Variants in ANKRD30B observed in about 807,000 individuals in gnomAD.
The protein encoded by ANKRD30B is ankyrin repeat domain-containing protein 30B.
ANKRD30B carries 144 observed loss-of-function variants against 202.2 expected under a neutral mutation model. The ratio of observed to expected loss-of-function variants is 0.71; its 90% CI spans 0.62 to 0.82. The LOEUF (loss-of-function observed/expected upper bound fraction) is 0.82, where lower values mean the gene tolerates loss of function less well. ANKRD30B is among the 40% of genes least tolerant of loss of function. ANKRD30B has a pLI of 0.00. For synonymous variants in ANKRD30B, 508 were observed against 561.3 expected (o/e 0.91, Z 1.34); for missense variants, 1,487 against 1,669.1 (o/e 0.89, Z 1.90).
chr18:14,930,278 C>A, the ANKRD30B span, among the ~76,000 whole-genome samples: 2 of 151,964 alleles, frequency 1.3e-5, no homozygotes, highest in East Asian at 1.9e-4. Context: ...GTCAGTGAGG[C>A]CTTCCTTGAG....
At chr18:14,930,227 G>A in the ANKRD30B span, among the ~76,000 whole-genome samples, 1 of 152,108 alleles carries the variant, frequency 6.6e-6, no homozygotes, top group Non-Finnish European at 1.5e-5. Flanking sequence ...GTCCCTGAGA[G>A]GCTGGGCCGA....
At chr18:14,808,127 A>T (rs1969638370) in intron 24 of ANKRD30B, among the ~76,000 whole-genome samples, 1 of 150,752 alleles carries the variant, frequency 6.6e-6, no homozygotes, top group South Asian at 2.1e-4. Flanking sequence ...TATTGACATA[A>T]GAGATTCTGA....
chr18:14,809,625 G>T (rs1362727819), intron 26 of ANKRD30B, among the ~76,000 whole-genome samples: 1 of 150,790 alleles, frequency 6.6e-6, no homozygotes, highest in Non-Finnish European at 1.5e-5. Context: ...TAGGAATCTT[G>T]GTGATGCAAA....
At chr18:14,776,624 T>TAGAA (rs1480977431) in intron 9 of ANKRD30B, among the ~76,000 whole-genome samples, 2 of 152,232 alleles carry the variant, frequency 1.3e-5, no homozygotes, top group African/African-American at 4.8e-5. Context: ...CTCATTTTTC[T>TAGAA]AAGGTGAAGA....
At chr18:14,878,215 C>T in the ANKRD30B span, among the ~76,000 whole-genome samples, 5 of 152,090 alleles carry the variant, frequency 3.3e-5, no homozygotes, top group Non-Finnish European at 7.4e-5. Context: ...CTTTGTGGAA[C>T]CGAGCAGATA....
rs1467029801 is a variant in ANKRD30B, at chr18:14,831,475, A to T, written c.2847+20A>T. On this transcript the variant is annotated intron_variant, in intron 34 of 43. Transcript: ENST00000690538. The stretch of plus-strand genomic sequence containing the variant: ...ACCAAGGTAAAATAGTCTCTTGTTA[A>T]ATTGATTTTCTCAGTTGGAATCTAA... The T allele has an allele frequency of 7.2e-7, 1 of 1,386,676 alleles. No homozygotes were observed. The highest frequency in any genetic ancestry group is 2.5e-5 in the East Asian group (1 of 39,812). 85.9% of individuals were successfully genotyped at this position (1,386,676 alleles called of 1,614,324 possible). A position where few individuals can be genotyped will look rare whatever the true frequency, so the allele number is the denominator to read the frequency against.
At chr18:14,866,992 G>A in the ANKRD30B span, among the ~76,000 whole-genome samples, 1 of 150,622 alleles carries the variant, frequency 6.6e-6, no homozygotes, top group Non-Finnish European at 1.5e-5. Context: ...GGTGCTTTAG[G>A]GGAGCTGTCA....
chr18:14,751,015 A>G (rs1415609847), intron 1 of ANKRD30B, among the ~76,000 whole-genome samples: 1 of 151,976 alleles, frequency 6.6e-6, no homozygotes, highest in African/African-American at 2.4e-5. Flanking sequence ...AGCAATATGT[A>G]TTTTGCACAG....
intron 30 of ANKRD30B, among the ~76,000 whole-genome samples, chr18:14,820,663 A>G (rs1970368430): frequency 6.6e-6 from 1 of 152,144 alleles, no homozygotes; most frequent in South Asian, 2.1e-4. Flanking sequence ...GCTGGATTAC[A>G]TTTATTGATT....
chr18:14,772,337 G>A (rs1170131485), intron 9 of ANKRD30B, 109 bp downstream of exon 9: 1 of 645,474 alleles, frequency 1.5e-6, no homozygotes, highest in Non-Finnish European at 2.3e-6. Context: ...ATATAAAGTT[G>A]GTCAGATAAA....
chr18:14,842,112 A>T (rs1462335847), intron 37 of ANKRD30B, among the ~76,000 whole-genome samples: 2 of 152,116 alleles, frequency 1.3e-5, no homozygotes, highest in East Asian at 3.8e-4. Flanking sequence ...TTTAAAATAA[A>T]TATTGTCTGA....
At chr18:14,921,928 C>A in the ANKRD30B span, among the ~76,000 whole-genome samples, 1 of 152,224 alleles carries the variant, frequency 6.6e-6, no homozygotes, top group East Asian at 1.9e-4. Flanking sequence ...ATGGTCCTCC[C>A]TGCCAGACAC....
At chr18:14,855,594 C>T (rs1289685981), downstream of ANKRD30B, among the ~76,000 whole-genome samples, 15 of 146,586 alleles carry the variant, frequency 1.0e-4, no homozygotes, top group South Asian at 8.8e-4. Context: ...CCAGATGGGG[C>T]GGCTGGGAAG....
chr18:14,838,329 A>G (rs1161448748), intron 36 of ANKRD30B, among the ~76,000 whole-genome samples: 1 of 152,220 alleles, frequency 6.6e-6, no homozygotes, highest in African/African-American at 2.4e-5. Context: ...TTTAAACTGT[A>G]GTCTTAGTCT....
rs1407105972 is a variant in ANKRD30B, at chr18:14,752,591, A to T, written c.247A>T (p.Asn83Tyr). 2 of 1,612,568 alleles carry T rather than the reference A, an allele frequency of 1.2e-6. No homozygotes were observed. Among genetic ancestry groups the T allele is most frequent in the Admixed American group, 1.7e-5 (1 of 59,796 alleles). ...KRTALHWACV[N>Y]GHAEVVTFLV... ...GACTGCTCTACACTGGGCCTGTGTCAATGGCCATGCAGAAGTAGTAACATT... is the reference window on the plus strand; with the variant it reads ...GACTGCTCTACACTGGGCCTGTGTCTATGGCCATGCAGAAGTAGTAACATT... Residue 83 changes from asparagine (N) to tyrosine (Y), a missense_variant, in exon 2 of 44, where the codon AAT becomes TAT. Around this residue, in one of 6 missense-constraint regions of ANKRD30B, gnomAD observed 889 missense variants for 841.4 expected, o/e 1.06. Coordinates refer to ENST00000690538, the MANE Select transcript of ANKRD30B (RefSeq NM_001367607.2).
downstream of ANKRD30B, among the ~76,000 whole-genome samples, chr18:14,859,170 A>G (rs1972143874): frequency 8.7e-6 from 1 of 115,104 alleles, no homozygotes; most frequent in Non-Finnish European, 1.8e-5. Context: ...CACCTCCCAG[A>G]TGGGGCGGGC....
intron 30 of ANKRD30B, among the ~76,000 whole-genome samples, chr18:14,817,805 T>C (rs548100600): frequency 1.3e-5 from 2 of 152,222 alleles, no homozygotes; most frequent in East Asian, 1.9e-4. Context: ...GAATCGAGAA[T>C]GACCTTCTCA....
chr18:14,852,031 A>G lies in ANKRD30B; in HGVS notation c.4087A>G (p.Lys1363Glu). 1.2e-6 allele frequency: 2 copies of G among 1,605,260 alleles called. No homozygotes were observed. The highest frequency in any genetic ancestry group is 2.2e-5 in the South Asian group (2 of 89,870). The change falls in exon 42 of 44, where the codon AAA (lysine) becomes GAA (glutamate). Residue 1363 changes from lysine (K) to glutamate (E), a missense_variant. Physicochemically the swap from Lys to Glu is moderately conservative, Grantham distance 56. This residue lies in a region of ANKRD30B where 182 missense variants were observed against 216.0 expected (regional missense o/e 0.84). Transcript: ENST00000690538. Reference protein sequence around the residue: ...YEAQRKSKSPKINLNYAGDDL... With the variant: ...YEAQRKSKSPEINLNYAGDDL... ...AGCTCAAAGGAAATCCAAAAGCCCA[A>G]AAATTAATCTCAATTATGCAGGAGA... is the stretch of plus-strand genomic sequence containing the variant.
chr18:14,773,132 G>T (rs1295502600), intron 9 of ANKRD30B, among the ~76,000 whole-genome samples: 1 of 152,108 alleles, frequency 6.6e-6, no homozygotes, highest in East Asian at 1.9e-4. Flanking sequence ...CAGAGACTCT[G>T]AATAAGCATA....
Sources: allele counts gnomAD v4.1 joint callset (sites outside exome capture counted in the v4.1 genomes callset), GRCh38; gene constraint gnomAD v4.1.1; regional missense constraint gnomAD v4.1.1; transcripts MANE v1.5; gene names NCBI Gene and HGNC (gene_info 2026-07-23, HGNC 2026-07-21).